Variants in MNAT1 observed in about 807,000 individuals in gnomAD.
MNAT1 encodes the protein CDK-activating kinase assembly factor MAT1.
MNAT1 carries 43 observed loss-of-function variants against 42.0 expected under a neutral mutation model. The ratio of observed to expected loss-of-function variants is 1.02; its 90% confidence interval spans 0.80 to 1.32. MNAT1 has a LOEUF of 1.32. Ranked by LOEUF, MNAT1 falls within the 40% of genes most tolerant of loss-of-function variation. MNAT1 has a pLI of 0.00. For missense variants in MNAT1, 306 were observed against 350.4 expected (o/e 0.87, Z 1.01); for synonymous variants, 118 against 120.0 (o/e 0.98, Z 0.11).
At chr14:60,908,132 G>C (rs1230424488) in intron 7 of MNAT1, among the ~76,000 whole-genome samples, 2 of 152,028 alleles carry the variant, frequency 1.3e-5, no homozygotes, top group South Asian at 2.1e-4. Context: ...TAATGTGATA[G>C]TCCATTTTGT....
chr14:60,900,559 C>T (rs140066704), intron 7 of MNAT1, among the ~76,000 whole-genome samples: 126 of 152,214 alleles, frequency 8.3e-4, no homozygotes, highest in African/African-American at 3.0e-3. Context: ...ATGCCATTTC[C>T]GTAACGTAAA....
At chr14:60,873,266 C>A (rs2034367649) in intron 6 of MNAT1, among the ~76,000 whole-genome samples, 1 of 151,730 alleles carries the variant, frequency 6.6e-6, no homozygotes. Context: ...AGAAACCAGG[C>A]CACTTGTCTT....
At chr14:60,750,970 T>C (rs2140292660) in intron 1 of MNAT1, among the ~76,000 whole-genome samples, 1 of 152,342 alleles carries the variant, frequency 6.6e-6, no homozygotes, top group South Asian at 2.1e-4. Context: ...TGTGCAAAAG[T>C]ACAGCTTACA....
At chr14:60,898,697 A>G (rs1017529223) in intron 7 of MNAT1, among the ~76,000 whole-genome samples, 6 of 152,000 alleles carry the variant, frequency 3.9e-5, no homozygotes, top group East Asian at 1.9e-4. Context: ...TTTTCTCCCA[A>G]TCAACATCTT....
At chr14:60,858,158 C>T (rs2034007454) in intron 6 of MNAT1, among the ~76,000 whole-genome samples, 1 of 152,164 alleles carries the variant, frequency 6.6e-6, no homozygotes, top group African/African-American at 2.4e-5. Context: ...ACTCTGTCTT[C>T]CACAATGGTT....
chr14:60,947,337 C>G (rs2036297605), intron 7 of MNAT1, among the ~76,000 whole-genome samples: 1 of 152,036 alleles, frequency 6.6e-6, no homozygotes, highest in African/African-American at 2.4e-5. Flanking sequence ...CCATAGTGCT[C>G]CAAAGGTATT....
chr14:60,850,706 T>C (rs925082235), intron 6 of MNAT1, among the ~76,000 whole-genome samples: 4 of 152,166 alleles, frequency 2.6e-5, no homozygotes, highest in Non-Finnish European at 5.9e-5. Context: ...TGTTGTCAAA[T>C]GCAAAGATGA....
At chr14:60,849,595 G>T (rs890988448) in intron 6 of MNAT1, among the ~76,000 whole-genome samples, 4 of 152,092 alleles carry the variant, frequency 2.6e-5, no homozygotes, top group African/African-American at 9.7e-5. Context: ...AGTATTCAGT[G>T]AACTTGCATG....
chr14:60,815,354 A>G (rs1010280713), intron 5 of MNAT1, among the ~76,000 whole-genome samples: 1 of 151,970 alleles, frequency 6.6e-6, no homozygotes, highest in African/African-American at 2.4e-5. Flanking sequence ...AGCTAGGATT[A>G]CAGGTGCCTG....
intron 7 of MNAT1, among the ~76,000 whole-genome samples, chr14:60,918,421 G>T (rs1477699085): frequency 6.0e-5 from 9 of 150,712 alleles, no homozygotes; most frequent in Non-Finnish European, 1.2e-4. Context: ...TTTTAGCCAG[G>T]TTGGTCTCGA....
At chr14:60,815,507 G>A (rs917604216) in intron 5 of MNAT1, among the ~76,000 whole-genome samples, 2 of 152,134 alleles carry the variant, frequency 1.3e-5, no homozygotes, top group Non-Finnish European at 2.9e-5. Context: ...GAGCCACCGC[G>A]CCCAGCCGCA....
At chr14:60,959,613 T>C (rs1049448196) in intron 7 of MNAT1, among the ~76,000 whole-genome samples, 5 of 152,202 alleles carry the variant, frequency 3.3e-5, no homozygotes, top group African/African-American at 9.6e-5. Flanking sequence ...ACTGTTTCTT[T>C]CTTTTGTGTG....
intron 6 of MNAT1, among the ~76,000 whole-genome samples, chr14:60,837,472 G>A (rs1036432352): frequency 6.6e-6 from 1 of 152,210 alleles, no homozygotes; most frequent in Non-Finnish European, 1.5e-5. Context: ...GGCTAGGGAA[G>A]GGAGTTCCCT....
chr14:60,796,267 C>G lies in MNAT1; in HGVS notation c.140C>G (p.Pro47Arg). 1 of 1,613,586 alleles carries G rather than the reference C, an allele frequency of 6.2e-7. No homozygotes were observed. The highest frequency in any genetic ancestry group is 8.5e-7 in the Non-Finnish European group (1 of 1,179,724). ...LLFVRGAGNC[P>R]ECGTPLRKSN... is the part of the protein sequence containing the mutation. ...TTTGTGAGAGGAGCTGGAAACTGCC[C>G]TGAGTGTGGTACTCCACTCAGAAAG... The change falls in exon 2 of 8, where the codon CCT becomes CGT. Residue 47 changes from proline to arginine, a missense_variant. Transcript: ENST00000261245.
intron 1 of MNAT1, among the ~76,000 whole-genome samples, chr14:60,755,551 G>A (rs7151575): frequency 0.95 from 144,300 of 152,310 alleles, 68,627 homozygotes; most frequent in Non-Finnish European, 0.99. Flanking sequence ...TGTTGGGATT[G>A]TAGGCTAGTC....
At chr14:60,843,637 G>T (rs932057313) in intron 6 of MNAT1, among the ~76,000 whole-genome samples, 1 of 152,074 alleles carries the variant, frequency 6.6e-6, no homozygotes, top group Non-Finnish European at 1.5e-5. Flanking sequence ...TAAAAAAATT[G>T]AGTTGTTTGT....
intron 7 of MNAT1, among the ~76,000 whole-genome samples, chr14:60,912,965 A>G (rs529182977): frequency 4.3e-4 from 65 of 152,302 alleles, no homozygotes; most frequent in Non-Finnish European, 7.6e-4. Context: ...AGGTACACCA[A>G]TTAGATGTAC....
intron 7 of MNAT1, among the ~76,000 whole-genome samples, chr14:60,935,975 A>G (rs954613293): frequency 2.0e-5 from 3 of 152,158 alleles, no homozygotes; most frequent in Non-Finnish European, 2.9e-5. Flanking sequence ...AAAAAGAAAC[A>G]AAAAACCCAG....
At chr14:60,955,615 C>A (rs183869767) in intron 7 of MNAT1, among the ~76,000 whole-genome samples, 2 of 152,126 alleles carry the variant, frequency 1.3e-5, no homozygotes, top group African/African-American at 4.8e-5. Flanking sequence ...GAGCCAAGAT[C>A]GCACCATTGC....
Sources: gnomAD v4.1 joint callset for allele counts (sites outside exome capture counted in the v4.1 genomes callset) on GRCh38, gnomAD v4.1.1 for gene constraint, MANE v1.5 for transcripts, NCBI Gene and HGNC (gene_info 2026-07-23, HGNC 2026-07-21) for gene names.